BPHL: variants seen among roughly 807,000 people sequenced by gnomAD.
The protein encoded by BPHL is serine hydrolase BPHL.
A neutral mutation model predicts 31.2 loss-of-function variants in BPHL; 27 were observed. That is an observed-to-expected ratio of 0.87 (90% CI 0.64 to 1.19). BPHL has a LOEUF of 1.19. BPHL is among the 50% of genes most tolerant of loss of function. BPHL has a pLI of 0.00. For synonymous variants in BPHL, 150 were observed against 146.8 expected, an observed-to-expected ratio of 1.02 and a Z score of -0.16; for missense variants, 356 against 375.7, an observed-to-expected ratio of 0.95 and a Z score of 0.43.
intron 1 of BPHL, among the ~76,000 whole-genome samples, chr6:3,122,545 T>C (rs764799070): frequency 5.3e-5 from 8 of 152,168 alleles, no homozygotes; most frequent in Non-Finnish European, 1.2e-4. Context: ...GAGGAGAGGT[T>C]AATCAGAACA....
intron 1 of BPHL, chr6:3,119,364 C>G: frequency 6.4e-7 from 1 of 1,573,950 alleles, no homozygotes; most frequent in Non-Finnish European, 8.6e-7. Context: ...GCTTGCTGAT[C>G]TCGTACCTTA....
intron 4 of BPHL, among the ~76,000 whole-genome samples, chr6:3,136,031 C>G (rs1447419165): frequency 6.6e-6 from 1 of 152,186 alleles, no homozygotes; most frequent in Non-Finnish European, 1.5e-5. Flanking sequence ...GCTGTATTTT[C>G]AGGGTTCTGT....
intron 1 of BPHL, chr6:3,119,307 C>T (rs1341624565): frequency 1.3e-6 from 2 of 1,547,116 alleles, no homozygotes; most frequent in African/African-American, 1.4e-5. Context: ...GCCTGAGTAC[C>T]GCTAAGGCTT....
intron 4 of BPHL, among the ~76,000 whole-genome samples, chr6:3,136,327 C>T (rs1171464686): frequency 1.3e-5 from 2 of 152,204 alleles, no homozygotes; most frequent in African/African-American, 2.4e-5. Flanking sequence ...GCTGTCTCCA[C>T]GTACCTCATT....
At chr6:3,130,089 G>A (rs902885719) in intron 4 of BPHL, among the ~76,000 whole-genome samples, 1 of 152,170 alleles carries the variant, frequency 6.6e-6, no homozygotes, top group Non-Finnish European at 1.5e-5. Flanking sequence ...TTACCAGCGT[G>A]AGCCCCCACG....
At chr6:3,138,025 A>G (rs2113763996) in intron 5 of BPHL, 2 of 1,271,736 alleles carry the variant, frequency 1.6e-6, no homozygotes, top group Non-Finnish European at 2.1e-6. Context: ...AATGTCTCCT[A>G]TTCTTTTTTT....
rs1211556412 is a variant in BPHL, at chr6:3,149,303, G to A, written c.789-3185G>A. On this transcript the variant is annotated intron_variant, in intron 6 of 6. Coordinates refer to ENST00000380379, the MANE Select transcript of BPHL (RefSeq NM_004332.4). This position sits in a 1 kb window ranked among gnomAD's most constrained non-coding sequence, Gnocchi z 4.6. ...TTTCCTGCAGTCCAGGGCCCGACTAGGTCCCCACAGTCACAGCAGATTTGG... is the reference window on the plus strand; with the variant it reads ...TTTCCTGCAGTCCAGGGCCCGACTAAGTCCCCACAGTCACAGCAGATTTGG... Among the ~76,000 whole-genome samples the A allele has an allele frequency of 5.3e-5, 8 of 152,164 alleles. No individual in the cohort carries two copies. Among genetic ancestry groups the A allele is most frequent in the Admixed American group, 4.6e-4 (7 of 15,276 alleles).
At chr6:3,119,152 C>T (rs1375571127) in intron 1 of BPHL, 5 of 818,086 alleles carry the variant, frequency 6.1e-6, no homozygotes, top group Non-Finnish European at 7.8e-6. Context: ...CAGGGAGATA[C>T]ATTTGCCTGT....
chr6:3,152,402 G>T, intron 6 of BPHL, 86 bp from the exon 7 acceptor site: 1 of 1,140,216 alleles, frequency 8.8e-7, no homozygotes, highest in Admixed American at 2.0e-5. Context: ...TTTCACTTTA[G>T]ATGTTTGTGA....
intron 4 of BPHL, among the ~76,000 whole-genome samples, chr6:3,131,419 T>C (rs1761864185): frequency 6.6e-6 from 1 of 152,214 alleles, no homozygotes; most frequent in Admixed American, 6.5e-5. Flanking sequence ...TTGCCCACCT[T>C]GCCCTGTTCA....
At chr6:3,132,646 C>T (rs889091236) in intron 4 of BPHL, among the ~76,000 whole-genome samples, 10 of 152,000 alleles carry the variant, frequency 6.6e-5, no homozygotes, top group East Asian at 5.8e-4. Context: ...GCCTGGGCAA[C>T]GTAGCAAGAC....
In BPHL at chr6:3,145,275, T is replaced by C. The variant is rs183695459; in HGVS notation, c.788+4766T>C. Among the ~76,000 whole-genome samples, 59 of 42,140 alleles carry C rather than the reference T, an allele frequency of 1.4e-3. 5 individuals carry two copies. In the South Asian group the frequency reaches 0.022, roughly 16 times the overall value. 27.6% of individuals were successfully genotyped at this position (42,140 alleles called of 152,430 possible). A position where few individuals can be genotyped will look rare whatever the true frequency, so the allele number is the denominator to read the frequency against. The stretch of plus-strand genomic sequence containing the variant: ...TTCGGGGTGGAGTGCTGGTGTGGGT[T>C]GGAGTGCTGGTTCGGGTCCGAGTGC... On this transcript the variant is annotated intron_variant, in intron 6 of 6. Coordinates refer to ENST00000380379, the MANE Select transcript of BPHL (RefSeq NM_004332.4).
rs763964488 is a variant in BPHL at position 3,127,389 on chromosome 6, A to T, written c.359A>T (p.Asp120Val). ...PADFFERDAK[D>V]AVDLMKALKF... ...GACTTTTTTGAAAGGGATGCAAAAG[A>T]TGCTGTTGATTTGATGAAGGTAGGT... The change falls in exon 3 of 7, where the codon GAT becomes GTT. Residue 120 changes from aspartate to valine, a missense_variant. Asp to Val is a radical substitution (Grantham distance 152). Transcript: ENST00000380379. 3.1e-6 allele frequency: 5 copies of T among 1,605,860 alleles called. No homozygotes were observed. The highest frequency in any genetic ancestry group is 4.3e-6 in the Non-Finnish European group (5 of 1,174,768).
chr6:3,147,305 C>T (rs927692546), intron 6 of BPHL, among the ~76,000 whole-genome samples: 4 of 152,130 alleles, frequency 2.6e-5, no homozygotes, highest in South Asian at 2.1e-4. Flanking sequence ...ACAGTAGCTG[C>T]CACTTTTGAG....
chr6:3,124,860 A>T (rs905010386), intron 2 of BPHL, among the ~76,000 whole-genome samples: 8 of 152,198 alleles, frequency 5.3e-5, no homozygotes, highest in African/African-American at 1.9e-4. Flanking sequence ...GCCTCAGCGG[A>T]TCGTGGCACT....
In BPHL at chr6:3,149,979, G is replaced by GA. The variant is rs1223335362; in HGVS notation, c.789-2505dup. 6.6e-6 allele frequency: 1 copy of GA among 152,158 alleles called. No individual in the cohort carries two copies. Among genetic ancestry groups the GA allele is most frequent in the Admixed American group, 6.5e-5 (1 of 15,280 alleles). The allele number at this position is 152,158 out of a possible 1,614,324, so 9.4% of individuals were successfully genotyped here. ...TTCTAGAAGAAGCAGAATGAAAAAG[G>GA]AAAATATTTAGTTTCTGAATAAAAA... is the stretch of plus-strand genomic sequence containing the variant. On this transcript the variant is annotated intron_variant, in intron 6 of 6. Transcript: ENST00000380379. This position sits in a 1 kb window ranked among gnomAD's most constrained non-coding sequence, Gnocchi z 4.6.
intron 6 of BPHL, among the ~76,000 whole-genome samples, chr6:3,142,700 C>T (rs1230090426): frequency 6.6e-6 from 1 of 152,150 alleles, no homozygotes; most frequent in Non-Finnish European, 1.5e-5. Context: ...ACAGCTGCCA[C>T]TTATCTCTTA....
At chr6:3,122,257 G>A (rs1761597490) in intron 1 of BPHL, among the ~76,000 whole-genome samples, 1 of 152,204 alleles carries the variant, frequency 6.6e-6, no homozygotes. Flanking sequence ...TCCAGCCTGG[G>A]CGACAGAGTG....
At position 3,152,643 on chromosome 6, in the gene BPHL, ATGCCTTTGAAACTCTC is replaced by A; in HGVS notation, c.*69_*84del. ...GATCGTGTTGCTGCCTGTTAACATG[ATGCCTTTGAAACTCTC>A]CGCCTTTGAAACTTTCTACCCCTCC... On this transcript the variant is annotated 3_prime_UTR_variant, in exon 7 of 7. Coordinates refer to ENST00000380379, the MANE Select transcript of BPHL (RefSeq NM_004332.4). The A allele has an allele frequency of 7.1e-7, 1 of 1,410,198 alleles. No individual in the cohort carries two copies. The highest frequency in any genetic ancestry group is 9.9e-7 in the Non-Finnish European group (1 of 1,007,384). The allele number at this position is 1,410,198 out of a possible 1,614,324, so 87.4% of individuals were successfully genotyped here. A position where few individuals can be genotyped will look rare whatever the true frequency, so the allele number is the denominator to read the frequency against.
Sources: allele counts gnomAD v4.1 joint callset (sites outside exome capture counted in the v4.1 genomes callset), GRCh38; gene constraint gnomAD v4.1.1; non-coding constraint Gnocchi (gnomAD v3.1); transcripts MANE v1.5; gene names NCBI Gene and HGNC (gene_info 2026-07-23, HGNC 2026-07-21).